The following EYA2 variants were observed in gnomAD, a reference collection of about 807,000 sequenced individuals.
EYA2 encodes the protein EYA transcriptional coactivator and phosphatase 2, also known as protein phosphatase EYA2.
In EYA2, 31 loss-of-function variants were observed where a neutral mutation model predicts 69.2. The ratio of observed to expected loss-of-function variants is 0.45; its 90% CI spans 0.34 to 0.60. The LOEUF is 0.60. Among genes scored for constraint, EYA2 ranks in the 20% least tolerant of loss-of-function variants. The pLI is 0.02. For synonymous variants in EYA2, 257 were observed against 279.4 expected (o/e 0.92, Z 0.80); for missense variants, 622 against 701.2 (o/e 0.89, Z 1.28).
In EYA2 at chr20:47,004,926, C is replaced by G; in HGVS notation, c.156-16C>G. The G allele has an allele frequency of 6.2e-7, 1 of 1,614,026 alleles. No homozygotes were observed. The highest frequency in any genetic ancestry group is 8.5e-7 in the Non-Finnish European group (1 of 1,179,964). ...AGACTGGGCCTGGAGATTTAATCTTCCCTCTTTCCACACAGATCTTGCCCA... is the reference window on the plus strand; with the variant it reads ...AGACTGGGCCTGGAGATTTAATCTTGCCTCTTTCCACACAGATCTTGCCCA... On this transcript the variant is annotated splice_polypyrimidine_tract_variant and intron_variant, in intron 3 of 15. Coordinates refer to ENST00000327619, the MANE Select transcript of EYA2 (RefSeq NM_005244.5).
intron 8 of EYA2, among the ~76,000 whole-genome samples, chr20:47,093,514 C>T (rs2032150112): frequency 6.6e-6 from 1 of 152,394 alleles, no homozygotes; most frequent in South Asian, 2.1e-4. Flanking sequence ...CAGCTGCAGC[C>T]GCGCAGCCGG....
At chr20:47,118,486 C>G (rs560864336) in intron 9 of EYA2, among the ~76,000 whole-genome samples, 4 of 104,210 alleles carry the variant, frequency 3.8e-5, no homozygotes, top group Admixed American at 3.3e-4. Context: ...AGAGATGTCC[C>G]GGAGGTGAAT....
At chr20:46,948,404 A>C (rs1978602312) in intron 1 of EYA2, among the ~76,000 whole-genome samples, 1 of 152,046 alleles carries the variant, frequency 6.6e-6, no homozygotes, top group African/African-American at 2.4e-5. Context: ...ACCCTGGTCT[A>C]CTCTATTTCT....
At chr20:46,959,666 G>A (rs972476364) in intron 1 of EYA2, among the ~76,000 whole-genome samples, 5 of 147,346 alleles carry the variant, frequency 3.4e-5, no homozygotes, top group African/African-American at 1.2e-4. Flanking sequence ...GCACACGCAC[G>A]CACGTACTTT....
At chr20:47,060,854 T>C (rs1177387030) in intron 5 of EYA2, among the ~76,000 whole-genome samples, 9 of 62,562 alleles carry the variant, frequency 1.4e-4, no homozygotes, top group African/African-American at 8.0e-4. Context: ...TCTCTCTCTT[T>C]TTTTTTTTTT....
intron 9 of EYA2, among the ~76,000 whole-genome samples, chr20:47,115,858 A>C (rs992203932): frequency 6.6e-6 from 1 of 152,130 alleles, no homozygotes; most frequent in Admixed American, 6.5e-5. Flanking sequence ...GCCCCTGCCA[A>C]CCTTGCCAAC....
intron 10 of EYA2, among the ~76,000 whole-genome samples, chr20:47,153,580 G>C (rs2033865491): frequency 6.6e-6 from 1 of 151,916 alleles, no homozygotes; most frequent in African/African-American, 2.4e-5. Context: ...ATTGAGCCTG[G>C]GAGGTTGAAG....
intron 9 of EYA2, among the ~76,000 whole-genome samples, chr20:47,140,482 AT>A (rs1401588417): frequency 6.6e-6 from 1 of 151,512 alleles, no homozygotes; most frequent in Non-Finnish European, 1.5e-5. Context: ...TTAATTATTT[AT>A]TTTTATAATA....
At chr20:47,083,985 C>T (rs558643603) in intron 7 of EYA2, among the ~76,000 whole-genome samples, 1 of 152,202 alleles carries the variant, frequency 6.6e-6, no homozygotes, top group Admixed American at 6.5e-5. Flanking sequence ...GTGGCTCATG[C>T]CTGTAATCCC....
chr20:46,917,791 T>C (rs1189472965), intron 1 of EYA2, among the ~76,000 whole-genome samples: 1 of 152,246 alleles, frequency 6.6e-6, no homozygotes, highest in Non-Finnish European at 1.5e-5. Context: ...TCTGAGCCTT[T>C]AGCGAGTTGT....
chr20:46,951,381 A>G (rs1978782496), intron 1 of EYA2, among the ~76,000 whole-genome samples: 2 of 151,882 alleles, frequency 1.3e-5, no homozygotes, highest in African/African-American at 2.4e-5. Context: ...TGTGCCCCCA[A>G]CCTCCCCAGA....
At chr20:47,024,947 C>T (rs1346628241) in intron 5 of EYA2, among the ~76,000 whole-genome samples, 1 of 152,234 alleles carries the variant, frequency 6.6e-6, no homozygotes, top group African/African-American at 2.4e-5. Context: ...GCAAATGCAG[C>T]AAGCCTGGTA....
At position 46,990,025 on chromosome 20, in the gene EYA2, G is replaced by A. The variant is rs1418403047; in HGVS notation, c.15G>A (p.Val5=). 6.2e-7 allele frequency: 1 copy of A among 1,601,164 alleles called. No homozygotes were observed. Among genetic ancestry groups the A allele is most frequent in the South Asian group, 1.1e-5 (1 of 90,724 alleles). The change falls in exon 2 of 16, where the codon GTG becomes GTA. Residue 5 remains valine (V), a synonymous_variant. Transcript: ENST00000327619. ...GGTACAAGGAAATGGTAGAACTAGT[G>A]ATCTCACCCAGCCTCACTGTAAACA... MVEL[V]ISPSLTVNSD... is the part of the protein sequence containing the mutation.
At chr20:46,994,969 C>T (rs977332076) in intron 2 of EYA2, among the ~76,000 whole-genome samples, 1 of 151,710 alleles carries the variant, frequency 6.6e-6, no homozygotes, top group Non-Finnish European at 1.5e-5. Flanking sequence ...GGCACGATCT[C>T]GGCTCACTGC....
At chr20:46,974,105 G>A (rs1980305920) in intron 1 of EYA2, among the ~76,000 whole-genome samples, 1 of 152,132 alleles carries the variant, frequency 6.6e-6, no homozygotes, top group Non-Finnish European at 1.5e-5. Context: ...AGTAAAATGG[G>A]ATTAAAGTTC....
chr20:47,011,930 TCAGGGAGC>T (rs1385749359), intron 4 of EYA2, among the ~76,000 whole-genome samples: 2 of 152,086 alleles, frequency 1.3e-5, no homozygotes, highest in Non-Finnish European at 2.9e-5. Context: ...TGCCAGGGAG[TCAGGGAGC>T]CAATCATGTT....
intron 7 of EYA2, among the ~76,000 whole-genome samples, 172 bp downstream of exon 7, chr20:47,074,507 C>T (rs145520670): frequency 6.6e-5 from 10 of 152,342 alleles, no homozygotes; most frequent in African/African-American, 2.4e-4. Flanking sequence ...CCAGTTGTCA[C>T]AAACAGGCTC....
chr20:46,935,889 AGTT>A (rs1296406141), intron 1 of EYA2, among the ~76,000 whole-genome samples: 11 of 152,138 alleles, frequency 7.2e-5, no homozygotes, highest in African/African-American at 2.7e-4. Flanking sequence ...CGGTAGTAGT[AGTT>A]TAGATTGACC....
chr20:47,061,099 C>G (rs2030860925), intron 5 of EYA2, among the ~76,000 whole-genome samples: 1 of 152,040 alleles, frequency 6.6e-6, no homozygotes. Flanking sequence ...AGTGATCCAC[C>G]CACCTTGGCC....
Sources: gnomAD v4.1 joint callset for allele counts (sites outside exome capture counted in the v4.1 genomes callset) on GRCh38, gnomAD v4.1.1 for gene constraint, MANE v1.5 for transcripts, NCBI Gene and HGNC (gene_info 2026-07-23, HGNC 2026-07-21) for gene names.